UNC13A: variants seen among roughly 807,000 people sequenced by gnomAD.
UNC13A encodes the protein protein unc-13 homolog A.
A neutral mutation model predicts 219.7 loss-of-function variants in UNC13A; 61 were observed. That is an observed-to-expected ratio of 0.28 (90% CI 0.23 to 0.34). The LOEUF (loss-of-function observed/expected upper bound fraction) is 0.34, where lower values mean the gene tolerates loss of function less well. UNC13A is among the 10% of genes least tolerant of loss of function. UNC13A has a pLI of 1.00. For synonymous variants in UNC13A, 920 were observed against 884.6 expected, an observed-to-expected ratio of 1.04 and a Z score of -0.71; for missense variants, 1,476 against 2,270.3, an observed-to-expected ratio of 0.65 and a Z score of 7.11.
rs146482311 is a variant in UNC13A, at chr19:17,659,971, C to T, written c.560-1702G>A. ...AGCGCAGTGGCGCGATCAAAACTCA[C>T]TGAAACCTCGACCTCCTGGGCTCAA... On this transcript the variant is annotated intron_variant, in intron 8 of 43. Coordinates refer to ENST00000519716, the MANE Select transcript of UNC13A (RefSeq NM_001080421.3). Among the ~76,000 whole-genome samples, 619 of 152,352 alleles carry T rather than the reference C, an allele frequency of 4.1e-3. 2 individuals are homozygous for T. The highest frequency in any genetic ancestry group is 0.01 in the Middle Eastern group (3 of 294).
chr19:17,672,883 G>C (rs1191078352), intron 3 of UNC13A, among the ~76,000 whole-genome samples: 1 of 152,054 alleles, frequency 6.6e-6, no homozygotes, highest in Non-Finnish European at 1.5e-5. Context: ...GGACATTCGG[G>C]TCACCTCTGT....
chr19:17,634,807 T>C (rs565467153), intron 26 of UNC13A, among the ~76,000 whole-genome samples: 340 of 152,308 alleles, frequency 2.2e-3, no homozygotes, highest in African/African-American at 7.6e-3. Context: ...GCAATTTTCC[T>C]GCCTCAGTCT....
chr19:17,627,369 G>A lies in UNC13A; in HGVS notation c.3920+140C>T, dbSNP rs1281305220. ...GGCCACACAGCTAGTAAGCAGTAAA[G>A]CCAAGATTTGAACTCAGCCTTGTCT... On this transcript the variant is annotated intron_variant, in intron 33 of 43. Transcript: ENST00000519716. This position sits in a 1 kb window ranked among gnomAD's most constrained non-coding sequence, Gnocchi z 4.7. 3 of 663,274 alleles carry A rather than the reference G, an allele frequency of 4.5e-6. No homozygotes were observed. The highest frequency in any genetic ancestry group is 7.7e-6 in the Non-Finnish European group (3 of 389,312). The allele number at this position is 663,274 out of a possible 1,614,324, so 41.1% of individuals were successfully genotyped here. A position where few individuals can be genotyped will look rare whatever the true frequency, so the allele number is the denominator to read the frequency against.
intron 41 of UNC13A, among the ~76,000 whole-genome samples, chr19:17,613,348 G>A (rs1258630189): frequency 1.3e-5 from 2 of 152,124 alleles, no homozygotes; most frequent in Non-Finnish European, 2.9e-5. Context: ...GGTTGAGGCT[G>A]CAGTGAGCTA....
At chr19:17,683,828 C>T (rs2080062941) in intron 1 of UNC13A, among the ~76,000 whole-genome samples, 1 of 152,112 alleles carries the variant, frequency 6.6e-6, no homozygotes, top group African/African-American at 2.4e-5. Context: ...GTGGCTCACA[C>T]CTGTAATCCT....
chr19:17,616,564 G>T, intron 41 of UNC13A: 1 of 561,440 alleles, frequency 1.8e-6, no homozygotes, highest in Non-Finnish European at 3.2e-6. Context: ...TGTGTGTGGA[G>T]GGGGCAGGGG....
At chr19:17,657,180 T>C (rs1049770559) in intron 9 of UNC13A, among the ~76,000 whole-genome samples, 2 of 152,098 alleles carry the variant, frequency 1.3e-5, no homozygotes, top group South Asian at 4.1e-4. Context: ...TGGAATAAAA[T>C]CTGTGCTAGC....
At chr19:17,660,741 A>C (rs1485461493) in intron 8 of UNC13A, among the ~76,000 whole-genome samples, 1 of 151,836 alleles carries the variant, frequency 6.6e-6, no homozygotes, top group African/African-American at 2.4e-5. Flanking sequence ...CACGTTGGCC[A>C]GGCTGGTCTC....
At chr19:17,617,978 C>CATAGGAGTTCA in intron 40 of UNC13A, 129 bp from the exon 41 acceptor site, 4 of 1,289,862 alleles carry the variant, frequency 3.1e-6, no homozygotes, top group Non-Finnish European at 4.2e-6. Context: ...CTTTGCTTTG[C>CATAGGAGTTCA]CTAGTGAACT....
At chr19:17,618,874 C>A in intron 39 of UNC13A, 32 bp downstream of exon 39, 1 of 1,612,562 alleles carries the variant, frequency 6.2e-7, no homozygotes, top group Non-Finnish European at 8.5e-7. Flanking sequence ...GGGGGGCAGT[C>A]CCTCACGCCA....
At chr19:17,669,797 CT>C (rs2079743127) in intron 4 of UNC13A, 121 bp from the exon 5 acceptor site, 7 of 1,131,152 alleles carry the variant, frequency 6.2e-6, no homozygotes, top group Admixed American at 5.7e-5. Context: ...CATGTCCCCT[CT>C]CTATCTTTCC....
intron 41 of UNC13A, chr19:17,616,578 C>A (rs1599832005): frequency 2.0e-6 from 1 of 496,898 alleles, no homozygotes; most frequent in African/African-American, 2.0e-5. Context: ...GCAGGGGAGG[C>A]GCGGAGAGGG....
At chr19:17,683,551 G>A (rs535752985) in intron 1 of UNC13A, among the ~76,000 whole-genome samples, 12 of 151,688 alleles carry the variant, frequency 7.9e-5, no homozygotes, top group Admixed American at 3.3e-4. Context: ...CCAGCTACTC[G>A]GGAGGCTGAG....
rs999031845 is a variant in UNC13A, at chr19:17,602,557, G to C, written c.*3497C>G. 6.6e-6 allele frequency: 1 copy of C among 152,280 alleles called. No individual in the cohort carries two copies. The highest frequency in any genetic ancestry group is 1.5e-5 in the Non-Finnish European group (1 of 68,074). 9.4% of individuals were successfully genotyped at this position (152,280 alleles called of 1,614,324 possible). A position where few individuals can be genotyped will look rare whatever the true frequency, so the allele number is the denominator to read the frequency against. The stretch of plus-strand genomic sequence containing the variant: ...ACCCTGGAGGTGTCATCCAAGGCCG[G>C]GCTCTGTGTCCACTTGCTGGGTGGC... On this transcript the variant is annotated 3_prime_UTR_variant, in exon 44 of 44. Coordinates refer to ENST00000519716, the MANE Select transcript of UNC13A (RefSeq NM_001080421.3).
Position 17,656,222 on chromosome 19 carries a change from G to A in UNC13A, c.944C>T (p.Pro315Leu). The change falls in exon 10 of 44, where the codon CCT (proline) becomes CTT (leucine). Residue 315 changes from proline (P) to leucine (L), a missense_variant. By Grantham distance (98) the Pro-to-Leu change is moderately conservative (BLOSUM62 -3). Transcript: ENST00000519716. ...CTCTTCCTCATCCTGGTCCCAGCGA[G>A]GCGAGTCTTTGTGGTAGCTGACCGA... is the stretch of plus-strand genomic sequence containing the variant. Reference protein sequence around the residue: ...HSSVSYHKDSPRWDQDEEELE... With the variant: ...HSSVSYHKDSLRWDQDEEELE... The A allele has an allele frequency of 6.4e-7, 1 of 1,552,232 alleles. No homozygotes were observed. The highest frequency in any genetic ancestry group is 8.7e-7 in the Non-Finnish European group (1 of 1,147,150).
In UNC13A at chr19:17,652,805, T is replaced by A; in HGVS notation, c.1393-128A>T. 3.0e-6 allele frequency: 3 copies of A among 994,512 alleles called. No individual in the cohort carries two copies. In the South Asian group the frequency reaches 4.3e-5, roughly 14 times the overall value. 61.6% of individuals were successfully genotyped at this position (994,512 alleles called of 1,614,324 possible). On this transcript the variant is annotated intron_variant, in intron 11 of 43. Transcript: ENST00000519716. ...GGCCTGGGTCCTAGTCCTGGCTGAG[T>A]GATTTTAGGAAGCTCCGTGGCTATC...
chr19:17,634,829 G>T (rs1374414751), intron 26 of UNC13A, among the ~76,000 whole-genome samples: 1 of 151,942 alleles, frequency 6.6e-6, no homozygotes, highest in Non-Finnish European at 1.5e-5. Context: ...CCACTAGCTG[G>T]GATTACAGAC....
intron 34 of UNC13A, among the ~76,000 whole-genome samples, chr19:17,625,941 C>T (rs2076778311): frequency 6.6e-6 from 1 of 152,008 alleles, no homozygotes; most frequent in Admixed American, 6.6e-5. Flanking sequence ...ATTCATCCAT[C>T]CATCCATCCA....
In UNC13A at chr19:17,604,169, C is replaced by CCT. The variant is rs1568492556; in HGVS notation, c.*1884_*1885insAG. 1.3e-5 allele frequency: 2 copies of CCT among 152,040 alleles called. No individual in the cohort carries two copies. The highest frequency in any genetic ancestry group is 2.9e-5 in the Non-Finnish European group (2 of 67,996). The allele number at this position is 152,040 out of a possible 1,614,324, so 9.4% of individuals were successfully genotyped here. Reference sequence around the variant, plus strand: ...AGAATCCATTTCAGTGTCCCCAAAGCACCTCCACCTCTCCTCACTGGTTTT... The same window carrying CCT: ...AGAATCCATTTCAGTGTCCCCAAAGCCTACCTCCACCTCTCCTCACTGGTTTT... On this transcript the variant is annotated 3_prime_UTR_variant, in exon 44 of 44. Transcript: ENST00000519716.
Sources: gnomAD v4.1 joint callset for allele counts (sites outside exome capture counted in the v4.1 genomes callset) on GRCh38, gnomAD v4.1.1 for gene constraint, Gnocchi (gnomAD v3.1) non-coding constraint, MANE v1.5 for transcripts, NCBI Gene and HGNC (gene_info 2026-07-23, HGNC 2026-07-21) for gene names.